The following JAK3 variants were observed in gnomAD, a reference collection of about 807,000 sequenced individuals.
JAK3 encodes Janus kinase 3, also known as tyrosine-protein kinase JAK3.
Under a neutral mutation model 120.8 loss-of-function variants are expected in JAK3, and 88 were observed. The ratio of observed to expected loss-of-function variants is 0.73; its 90% CI spans 0.61 to 0.87. The LOEUF (loss-of-function observed/expected upper bound fraction) is 0.87, where lower values mean the gene tolerates loss of function less well. Among genes scored for constraint, JAK3 ranks in the 40% least tolerant of loss-of-function variants. JAK3 has a pLI of 0.00. For missense variants in JAK3, 1,254 were observed against 1,501.4 expected (o/e 0.84, Z 2.72); for synonymous variants, 592 against 628.6 (o/e 0.94, Z 0.87).
Position 17,843,246 on chromosome 19 carries a change from C to A in JAK3, c.421-74G>T. On this transcript the variant is annotated intron_variant, in intron 4 of 23. Transcript: ENST00000458235. The surrounding 1 kb of genome is among the most constrained non-coding windows in gnomAD (Gnocchi z 5.4). ...CCCTGTTGTTAACCTGCAGACCCCCCCAATCCTGGGCTGACCCCCACCCCT... is the reference window on the plus strand; with the variant it reads ...CCCTGTTGTTAACCTGCAGACCCCCACAATCCTGGGCTGACCCCCACCCCT... 1 of 1,553,084 alleles carries A rather than the reference C, an allele frequency of 6.4e-7. No individual in the cohort carries two copies. Among genetic ancestry groups the A allele is most frequent in the African/African-American group, 1.4e-5 (1 of 73,378 alleles).
At chr19:17,835,303 C>A in intron 14 of JAK3, 88 bp from the exon 15 acceptor site, 1 of 1,496,186 alleles carries the variant, frequency 6.7e-7, no homozygotes, top group South Asian at 1.2e-5. Flanking sequence ...CTTCAAAACC[C>A]ACTTGGTACT....
In JAK3 at chr19:17,843,513, C is replaced by T; in HGVS notation, c.309-22G>A. On this transcript the variant is annotated intron_variant, in intron 3 of 23. Coordinates refer to ENST00000458235, the MANE Select transcript of JAK3 (RefSeq NM_000215.4). This position sits in a 1 kb window ranked among gnomAD's most constrained non-coding sequence, Gnocchi z 5.4. ...AAAGCTGTGAGGAGAGGAGAGAACC[C>T]TGGGATGAAAGTGCAACCCAGCCTC... 6.5e-7 allele frequency: 1 copy of T among 1,548,342 alleles called. No individual in the cohort carries two copies. The highest frequency in any genetic ancestry group is 1.2e-5 in the South Asian group (1 of 86,460).
In JAK3 at chr19:17,825,258, C is replaced by G; in HGVS notation, c.*1485G>C. ...GCTCCAATACTTGGGCTCTTAACCT[C>G]CTTACTCTGAGCCTTCTCACGCTTG... On this transcript the variant is annotated 3_prime_UTR_variant, in exon 24 of 24. Coordinates refer to ENST00000458235, the MANE Select transcript of JAK3 (RefSeq NM_000215.4). 1 of 229,636 alleles carries G rather than the reference C, an allele frequency of 4.4e-6. No individual in the cohort carries two copies. Among genetic ancestry groups the G allele is most frequent in the East Asian group, 6.2e-5 (1 of 16,110 alleles). The allele number at this position is 229,636 out of a possible 1,614,324, so 14.2% of individuals were successfully genotyped here.
chr19:17,831,925 A>C lies in JAK3; in HGVS notation c.2681-127T>G. On this transcript the variant is annotated intron_variant, in intron 19 of 23. Coordinates refer to ENST00000458235, the MANE Select transcript of JAK3 (RefSeq NM_000215.4). The surrounding 1 kb of genome is among the most constrained non-coding windows in gnomAD (Gnocchi z 5.1). ...TTGCTGACTGTAATATGGGAACCGC[A>C]ACAATGACACATTGCTAATATCTCT... The C allele has an allele frequency of 9.0e-7, 1 of 1,111,982 alleles. No individual in the cohort carries two copies. The highest frequency in any genetic ancestry group is 1.3e-5 in the South Asian group (1 of 77,970). The allele number at this position is 1,111,982 out of a possible 1,614,324, so 68.9% of individuals were successfully genotyped here. A position where few individuals can be genotyped will look rare whatever the true frequency, so the allele number is the denominator to read the frequency against.
At chr19:17,837,802 T>A in intron 12 of JAK3, 130 bp downstream of exon 12, 1 of 1,350,922 alleles carries the variant, frequency 7.4e-7, no homozygotes, top group South Asian at 1.2e-5. Context: ...TGCCTCAGCC[T>A]CCCAAAGTGC....
chr19:17,836,046 T>C lies in JAK3; in HGVS notation c.1792A>G (p.Met598Val), dbSNP rs1208827981. The C allele has an allele frequency of 1.9e-6, 3 of 1,613,268 alleles. No individual in the cohort carries two copies. The highest frequency in any genetic ancestry group is 1.1e-5 in the South Asian group (1 of 91,028). The change falls in exon 14 of 24, where the codon ATG (methionine) becomes GTG (valine). Residue 598 changes from methionine to valine, a missense_variant. This residue lies in a region of JAK3 where 630 missense variants were observed against 819.8 expected (regional missense o/e 0.77). Coordinates refer to ENST00000458235, the MANE Select transcript of JAK3 (RefSeq NM_000215.4). ...HGVCMAGDST[M>V]VQEFVHLGAI... ...CCCAGGTGTACAAATTCCTGCACCA[T>C]GGTGCCTGGTTGGCAGCAGGGAGAG...
At chr19:17,838,196 T>C in intron 11 of JAK3, 67 bp downstream of exon 11, 2 of 1,612,392 alleles carry the variant, frequency 1.2e-6, no homozygotes, top group Admixed American at 1.7e-5. Context: ...AGCATATGCC[T>C]GAGGCCACGC....
At chr19:17,840,515 G>A (rs905205987) in intron 8 of JAK3, among the ~76,000 whole-genome samples, 174 bp from the exon 9 acceptor site, 1 of 152,082 alleles carries the variant, frequency 6.6e-6, no homozygotes, top group African/African-American at 2.4e-5. Context: ...TGTAATCCCA[G>A]CATTTTGGGA....
Position 17,843,151 on chromosome 19 carries a change from C to T in JAK3, c.442G>A (p.Gly148Arg). The T allele has an allele frequency of 6.2e-7, 1 of 1,607,084 alleles. No homozygotes were observed. ...AGACTGAGGCCCACGGGGAGGCGCCCACTCACCAGGTCACTGCGGTGCTGG... is the reference window on the plus strand; with the variant it reads ...AGACTGAGGCCCACGGGGAGGCGCCTACTCACCAGGTCACTGCGGTGCTGG... ...FAQHRSDLVSGRLPVGLSLKE... is the reference protein window; with the variant it reads ...FAQHRSDLVSRRLPVGLSLKE... Residue 148 changes from glycine to arginine, a missense_variant, in exon 5 of 24, where the codon GGG (glycine) becomes AGG (arginine). Transcript: ENST00000458235. The surrounding 1 kb of genome is among the most constrained non-coding windows in gnomAD (Gnocchi z 5.4).
At position 17,839,738 on chromosome 19, in the gene JAK3, CTTTTTTTTTTTTTT is replaced by C. The variant is rs71164315; in HGVS notation, c.1255-89_1255-76del. 8.8e-6 allele frequency: 7 copies of C among 796,144 alleles called. No homozygotes were observed. In the African/African-American group the frequency reaches 1.0e-4, roughly 11 times the overall value. 49.3% of individuals were successfully genotyped at this position (796,144 alleles called of 1,614,324 possible). On this transcript the variant is annotated intron_variant, in intron 9 of 23. Coordinates refer to ENST00000458235, the MANE Select transcript of JAK3 (RefSeq NM_000215.4). ...TTCTCAGTCCTTCTTCCTTTTTTTTCTTTTTTTTTTTTTTTTTTTGGAGACGGAGTCTGGCTCTG... is the reference window on the plus strand; with the variant it reads ...TTCTCAGTCCTTCTTCCTTTTTTTTCTTTTTGGAGACGGAGTCTGGCTCTG...
chr19:17,825,591 G>A lies in JAK3; in HGVS notation c.*1152C>T, dbSNP rs187976518. ...GAGAAACAGAGATCGGGGAGCAGAAGTCAGATCATACATTTAAAGCTACAT... is the reference window on the plus strand; with the variant it reads ...GAGAAACAGAGATCGGGGAGCAGAAATCAGATCATACATTTAAAGCTACAT... On this transcript the variant is annotated 3_prime_UTR_variant, in exon 24 of 24. Coordinates refer to ENST00000458235, the MANE Select transcript of JAK3 (RefSeq NM_000215.4). The A allele has an allele frequency of 3.7e-5, 7 of 188,680 alleles. No individual in the cohort carries two copies. The highest frequency in any genetic ancestry group is 6.7e-5 in the Non-Finnish European group (6 of 89,610). The allele number at this position is 188,680 out of a possible 1,614,324, so 11.7% of individuals were successfully genotyped here.
rs147498283 is a variant in JAK3, at chr19:17,824,811, CA to C, written c.*1931del. 1,348 of 194,902 alleles carry C rather than the reference CA, an allele frequency of 6.9e-3. 7 individuals are homozygous for C. The highest frequency in any genetic ancestry group is 0.011 in the Non-Finnish European group (988 of 93,616). 12.1% of individuals were successfully genotyped at this position (194,902 alleles called of 1,614,324 possible). The stretch of plus-strand genomic sequence containing the variant: ...CCACTGAATTCCTTTATTCAGTCAA[CA>C]AACATTTCCAGAGCCCCCTCTGTAC... On this transcript the variant is annotated 3_prime_UTR_variant, in exon 24 of 24. Transcript: ENST00000458235.
intron 8 of JAK3, among the ~76,000 whole-genome samples, chr19:17,840,924 C>T (rs926479913): frequency 1.2e-4 from 18 of 151,984 alleles, no homozygotes; most frequent in Non-Finnish European, 2.1e-4. Context: ...CTCAAGTGAT[C>T]CTCCTGCCTC....
At chr19:17,836,547 C>T (rs911334564) in intron 13 of JAK3, among the ~76,000 whole-genome samples, 1 of 152,202 alleles carries the variant, frequency 6.6e-6, no homozygotes, top group African/African-American at 2.4e-5. Flanking sequence ...TTTTCAATTA[C>T]AGGCATGAGC....
chr19:17,843,833 C>CG lies in JAK3; in HGVS notation c.251dup (p.Ser85GlufsTer46). The CG allele has an allele frequency of 2.5e-6, 4 of 1,613,332 alleles. No homozygotes were observed. The stretch of plus-strand genomic sequence containing the variant: ...CATCCTCCACGGAGAAGATGTGGCT[C>CG]GGGGGGAACCAGCAGGACAGGTCCT... On this transcript the variant is annotated frameshift_variant, in exon 3 of 24. Coordinates refer to ENST00000458235, the MANE Select transcript of JAK3 (RefSeq NM_000215.4). LOFTEE classifies it high-confidence loss of function. The surrounding 1 kb of genome is among the most constrained non-coding windows in gnomAD (Gnocchi z 5.4).
At position 17,834,871 on chromosome 19, in the gene JAK3, C is replaced by T. The variant is rs1268243456; in HGVS notation, c.2180G>A (p.Ser727Asn). The T allele has an allele frequency of 2.5e-6, 4 of 1,614,188 alleles. No individual in the cohort carries two copies. Among genetic ancestry groups the T allele is most frequent in the Non-Finnish European group, 1.7e-6 (2 of 1,180,036 alleles). ...TCTGACCTTAGCAGGATCCAGGGCA[C>T]TGATGGGCATGGTGACGCCACTAAA... is the stretch of plus-strand genomic sequence containing the variant. ...EVFSGVTMPI[S>N]ALDPAKKLQF... The change falls in exon 16 of 24, where the codon AGT becomes AAT. Residue 727 changes from serine to asparagine, a missense_variant. By Grantham distance (46) the Ser-to-Asn change is conservative. Transcript: ENST00000458235.
Position 17,843,422 on chromosome 19 carries a change from A to G in JAK3, c.378T>C (p.Ser126=), listed in dbSNP as rs1199236189. The G allele has an allele frequency of 6.3e-7, 1 of 1,597,430 alleles. No individual in the cohort carries two copies. The highest frequency in any genetic ancestry group is 8.5e-7 in the Non-Finnish European group (1 of 1,172,468). Residue 126 remains serine (S), a synonymous_variant, in exon 4 of 24, where the codon AGT becomes AGC. Transcript: ENST00000458235. The surrounding 1 kb of genome is among the most constrained non-coding windows in gnomAD (Gnocchi z 5.4). ...HRFGLRKDLA[S]AILDLPVLEH... The stretch of plus-strand genomic sequence containing the variant: ...CCAGGACTGGCAGGTCAAGGATAGC[A>G]CTGGCCAAATCCTTGCGTAGCCCGA...
Position 17,826,086 on chromosome 19 carries a change from A to T in JAK3, c.*657T>A, listed in dbSNP as rs1263635624. ...TGTCTCTTAAAAATAATAATAATAA[A>T]TTTAAAAAAAAAAAAGCCTGGGTGC... On this transcript the variant is annotated 3_prime_UTR_variant, in exon 24 of 24. Transcript: ENST00000458235. 1.4e-5 allele frequency: 2 copies of T among 138,586 alleles called. No individual in the cohort carries two copies. 8.6% of individuals were successfully genotyped at this position (138,586 alleles called of 1,614,324 possible). A position where few individuals can be genotyped will look rare whatever the true frequency, so the allele number is the denominator to read the frequency against.
intron 12 of JAK3, among the ~76,000 whole-genome samples, chr19:17,837,527 T>C (rs903308751): frequency 6.6e-6 from 1 of 152,190 alleles, no homozygotes; most frequent in Admixed American, 6.5e-5. Context: ...GCAATTCTCC[T>C]GCCTCAGCCT....
Sources: allele counts gnomAD v4.1 joint callset (sites outside exome capture counted in the v4.1 genomes callset), GRCh38; gene constraint gnomAD v4.1.1; regional missense constraint gnomAD v4.1.1; non-coding constraint Gnocchi (gnomAD v3.1); transcripts MANE v1.5; gene names NCBI Gene and HGNC (gene_info 2026-07-23, HGNC 2026-07-21).